Variants in UBE2V1 observed in about 807,000 individuals in gnomAD.
UBE2V1 encodes the protein ubiquitin conjugating enzyme E2 V1, also known as ubiquitin-conjugating enzyme E2 variant 1.
UBE2V1 carries 15 observed loss-of-function variants against 19.6 expected under a neutral mutation model. The ratio of observed to expected loss-of-function variants is 0.77; its 90% CI spans 0.51 to 1.18. UBE2V1 has a LOEUF of 1.18. Among genes scored for constraint, UBE2V1 ranks in the 50% most tolerant of loss-of-function variants. The pLI, the probability that UBE2V1 is intolerant of heterozygous loss-of-function variation, is 0.00. For missense variants in UBE2V1, 125 were observed against 184.8 expected, an observed-to-expected ratio of 0.68 and a Z score of 1.88; for synonymous variants, 60 against 60.7, an observed-to-expected ratio of 0.99 and a Z score of 0.05.
rs577505248 is a variant in UBE2V1 at position 50,093,901 on chromosome 20, T to C, written c.171+2771A>G. Reference sequence around the variant, plus strand: ...CTACTCGGGAGGCTGAGGCAGAGAATTGCTTGAATCCGGGAGGTGGAGGTT... The same window carrying C: ...CTACTCGGGAGGCTGAGGCAGAGAACTGCTTGAATCCGGGAGGTGGAGGTT... On this transcript the variant is annotated intron_variant, in intron 2 of 3. Coordinates refer to ENST00000371674, the MANE Select transcript of UBE2V1 (RefSeq NM_001032288.3). Among the ~76,000 whole-genome samples, 14 of 146,432 alleles carry C rather than the reference T, an allele frequency of 9.6e-5. No homozygotes were observed. In the East Asian group the frequency reaches 1.6e-3, roughly 17 times the overall value.
Position 50,082,384 on chromosome 20 carries a change from A to G in UBE2V1, c.*384T>C, listed in dbSNP as rs775806445. On this transcript the variant is annotated 3_prime_UTR_variant, in exon 4 of 4. Coordinates refer to ENST00000371674, the MANE Select transcript of UBE2V1 (RefSeq NM_001032288.3). ...CAGGGAGGGTGGGAGGCGGGAGGGT[A>G]AGGGGAGAAGGCAGAGACCCCAGGC... is the stretch of plus-strand genomic sequence containing the variant. 9.8e-5 allele frequency: 19 copies of G among 193,580 alleles called. No individual in the cohort carries two copies. The highest frequency in any genetic ancestry group is 1.8e-4 in the Non-Finnish European group (17 of 92,954). The allele number at this position is 193,580 out of a possible 1,614,324, so 12.0% of individuals were successfully genotyped here.
intron 1 of UBE2V1, among the ~76,000 whole-genome samples, chr20:50,100,285 T>TAAAA (rs34807999): frequency 2.5e-5 from 3 of 122,170 alleles, no homozygotes; most frequent in South Asian, 2.7e-4. Flanking sequence ...TGTCTCTATT[T>TAAAA]AAAAAAAAAA....
intron 2 of UBE2V1, among the ~76,000 whole-genome samples, chr20:50,089,424 T>C (rs2079098528): frequency 6.6e-6 from 1 of 152,196 alleles, no homozygotes; most frequent in Non-Finnish European, 1.5e-5. Flanking sequence ...ACCAGGGTGG[T>C]ACAGACAGAA....
intron 3 of UBE2V1, 186 bp downstream of exon 3, chr20:50,083,943 G>T: frequency 2.3e-6 from 2 of 868,798 alleles, no homozygotes; most frequent in Non-Finnish European, 3.3e-6. Context: ...AGTGCTATAT[G>T]AGTGATCGCC....
At chr20:50,114,993 G>A (rs147762324), upstream of UBE2V1, 2,680 of 152,128 alleles carry the variant, frequency 0.018, 73 homozygotes, top group African/African-American at 0.055. Context: ...GCGAACCCGG[G>A]AGGCAGAGGT....
chr20:50,102,314 C>G (rs1405676736), intron 1 of UBE2V1, among the ~76,000 whole-genome samples: 3 of 152,118 alleles, frequency 2.0e-5, no homozygotes, highest in African/African-American at 4.8e-5. Flanking sequence ...AGATAAATAC[C>G]TGTTGAAAAT....
intron 2 of UBE2V1, 180 bp downstream of exon 2, chr20:50,096,492 G>C (rs1014245255): frequency 5.4e-6 from 8 of 1,494,164 alleles, no homozygotes; most frequent in Non-Finnish European, 7.2e-6. Context: ...CCATTTAGAG[G>C]GGTTAAACAG....
At chr20:50,088,015 TTAG>T (rs1166788243) in intron 2 of UBE2V1, among the ~76,000 whole-genome samples, 1 of 151,200 alleles carries the variant, frequency 6.6e-6, no homozygotes, top group Non-Finnish European at 1.5e-5. Context: ...ACTTTGTCCA[TTAG>T]GCACTACAGG....
chr20:50,086,183 C>T (rs1213868866), intron 2 of UBE2V1, among the ~76,000 whole-genome samples: 3 of 152,182 alleles, frequency 2.0e-5, no homozygotes, highest in Admixed American at 6.5e-5. Context: ...TTCTCCCTCC[C>T]CTGCCCACCA....
intron 2 of UBE2V1, 80 bp from the exon 3 acceptor site, chr20:50,084,334 T>G: frequency 6.2e-7 from 1 of 1,604,296 alleles, no homozygotes; most frequent in Non-Finnish European, 8.5e-7. Context: ...ACCCCATTTA[T>G]CCCTGACTGT....
chr20:50,085,684 C>G (rs1164941222), intron 2 of UBE2V1, among the ~76,000 whole-genome samples: 1 of 152,056 alleles, frequency 6.6e-6, no homozygotes, highest in Non-Finnish European at 1.5e-5. Flanking sequence ...TGATTTAAAC[C>G]CTTGATTCAG....
chr20:50,105,991 C>G (rs564318433), intron 1 of UBE2V1, among the ~76,000 whole-genome samples: 2 of 152,012 alleles, frequency 1.3e-5, no homozygotes, highest in Admixed American at 6.5e-5. Flanking sequence ...TATAATCTTG[C>G]AAAACCAAGA....
At chr20:50,102,510 T>G (rs1397826049) in intron 1 of UBE2V1, among the ~76,000 whole-genome samples, 1 of 152,110 alleles carries the variant, frequency 6.6e-6, no homozygotes, top group Non-Finnish European at 1.5e-5. Context: ...AAAAGACAGG[T>G]CAGAGTAATG....
At chr20:50,113,166 A>ACC, upstream of UBE2V1, 1 of 1,116,696 alleles carries the variant, frequency 9.0e-7, no homozygotes, top group Non-Finnish European at 1.1e-6. Flanking sequence ...CCCCTTCTTC[A>ACC]CCCCCCCCTT....
intron 2 of UBE2V1, 194 bp downstream of exon 2, chr20:50,096,476 TGC>T: frequency 7.0e-7 from 1 of 1,428,918 alleles, no homozygotes; most frequent in South Asian, 1.3e-5. Flanking sequence ...AACAGGTTTT[TGC>T]TTACCATTTA....
chr20:50,084,581 C>T, intron 2 of UBE2V1: 2 of 478,358 alleles, frequency 4.2e-6, no homozygotes, highest in South Asian at 3.1e-5. Context: ...AAGAGGCATT[C>T]TCTATTCTAG....
chr20:50,104,751 G>A (rs1455790201), intron 1 of UBE2V1, among the ~76,000 whole-genome samples: 3 of 151,360 alleles, frequency 2.0e-5, no homozygotes, highest in Non-Finnish European at 4.4e-5. Context: ...TTTAGAGATG[G>A]AGTCTCACTC....
chr20:50,113,269 G>A (rs981005631), upstream of UBE2V1: 6 of 607,722 alleles, frequency 9.9e-6, no homozygotes, highest in African/African-American at 9.5e-5. Context: ...CCGTGGCCTG[G>A]AAGGCTCTTT....
chr20:50,089,869 C>T (rs933726396), intron 2 of UBE2V1, among the ~76,000 whole-genome samples: 2 of 152,186 alleles, frequency 1.3e-5, no homozygotes, highest in Admixed American at 1.3e-4. Flanking sequence ...GCATTTGACC[C>T]TTCACATTTG....
Sources: allele counts gnomAD v4.1 joint callset (sites outside exome capture counted in the v4.1 genomes callset), GRCh38; gene constraint gnomAD v4.1.1; transcripts MANE v1.5; gene names NCBI Gene and HGNC (gene_info 2026-07-23, HGNC 2026-07-21).